Variants in NRXN3 observed in about 807,000 individuals in gnomAD.
The protein encoded by NRXN3 is neurexin 3.
Under a neutral mutation model 137.6 loss-of-function variants are expected in NRXN3, and 32 were observed. The ratio of observed to expected loss-of-function variants is 0.23; its 90% CI spans 0.18 to 0.31. NRXN3 has a LOEUF of 0.31. Among genes scored for constraint, NRXN3 ranks in the 10% least tolerant of loss-of-function variants. NRXN3 has a pLI of 1.00. For missense variants in NRXN3, 1,574 were observed against 2,062.5 expected (o/e 0.76, Z 4.59); for synonymous variants, 798 against 784.5 (o/e 1.02, Z -0.29).
chr14:78,309,288 T>C (rs143220095), intron 4 of NRXN3, among the ~76,000 whole-genome samples: 1 of 145,424 alleles, frequency 6.9e-6, no homozygotes, highest in African/African-American at 2.5e-5. Flanking sequence ...GAAACGCTAA[T>C]AATGTTTTTT....
At chr14:78,708,090 G>C (rs1005086797) in intron 6 of NRXN3, among the ~76,000 whole-genome samples, 1 of 152,146 alleles carries the variant, frequency 6.6e-6, no homozygotes, top group Non-Finnish European at 1.5e-5. Context: ...TGGATCAAAT[G>C]GTAGTTCTAC....
chr14:79,737,340 A>G (rs962072659), intron 19 of NRXN3, among the ~76,000 whole-genome samples: 1 of 152,188 alleles, frequency 6.6e-6, no homozygotes, highest in Non-Finnish European at 1.5e-5. Context: ...TCTTAATTTT[A>G]TTGGGAGTTA....
chr14:78,692,305 C>A (rs1321644914), intron 6 of NRXN3, among the ~76,000 whole-genome samples: 2 of 152,064 alleles, frequency 1.3e-5, no homozygotes, highest in African/African-American at 4.8e-5. Context: ...ACATCTATTC[C>A]CAGGGTCCCT....
rs560843017 is a variant in NRXN3 at position 79,375,412 on chromosome 14, A to T, written c.3263-91809A>T. Among the ~76,000 whole-genome samples the T allele has an allele frequency of 2.6e-5, 4 of 151,948 alleles. No homozygotes were observed. In the South Asian group the frequency reaches 8.3e-4, roughly 32 times the overall value. ...AGAGAAAATAAGGAATGGATCGTAC[A>T]TGCTCATGCACTGTCTGGGGCACTC... On this transcript the variant is annotated intron_variant, in intron 15 of 20. Coordinates refer to ENST00000335750, the MANE Select transcript of NRXN3 (RefSeq NM_001330195.2).
chr14:78,927,477 G>A (rs2099309053), intron 10 of NRXN3, among the ~76,000 whole-genome samples: 1 of 152,166 alleles, frequency 6.6e-6, no homozygotes, highest in South Asian at 2.1e-4. Flanking sequence ...GGATGACAGG[G>A]AAGAAAGTGA....
In NRXN3 at chr14:79,311,525, G is replaced by A. The variant is rs1229279958; in HGVS notation, c.3263-155696G>A. The stretch of plus-strand genomic sequence containing the variant: ...GAAGGAATGGTACCAGTTCCTCCTT[G>A]TACCTCTGGTAGAATTCGGCTGTGA... On this transcript the variant is annotated intron_variant, in intron 15 of 20. Transcript: ENST00000335750. Among the ~76,000 whole-genome samples, 6 of 89,498 alleles carry A rather than the reference G, an allele frequency of 6.7e-5. 1 individual carries two copies. The highest frequency in any genetic ancestry group is 2.2e-5 in the Non-Finnish European group (1 of 46,326). The allele number at this position is 89,498 out of a possible 152,430, so 58.7% of individuals were successfully genotyped here.
chr14:79,559,253 G>C (rs1043864641), intron 16 of NRXN3, among the ~76,000 whole-genome samples: 1 of 152,096 alleles, frequency 6.6e-6, no homozygotes, highest in South Asian at 2.1e-4. Context: ...TTAGCTTTTA[G>C]TCTATCCTGG....
intron 15 of NRXN3, among the ~76,000 whole-genome samples, chr14:79,276,735 A>G (rs1434336438): frequency 6.6e-6 from 1 of 151,738 alleles, no homozygotes; most frequent in Non-Finnish European, 1.5e-5. Context: ...AAAGAAAAAC[A>G]GTAAGTGGGT....
intron 19 of NRXN3, among the ~76,000 whole-genome samples, chr14:79,706,173 C>G (rs2098777994): frequency 6.6e-6 from 1 of 152,150 alleles, no homozygotes; most frequent in South Asian, 2.1e-4. Flanking sequence ...ATCTCCTTGT[C>G]TCTGGTATGT....
At chr14:79,819,385 A>G (rs1308449231) in intron 20 of NRXN3, among the ~76,000 whole-genome samples, 1 of 150,860 alleles carries the variant, frequency 6.6e-6, no homozygotes, top group Non-Finnish European at 1.5e-5. Flanking sequence ...TTTTTAATAG[A>G]TAAGACCTTC....
At chr14:78,983,854 T>TAAAAAAAAAAA (rs965751583) in intron 14 of NRXN3, among the ~76,000 whole-genome samples, 8 of 105,904 alleles carry the variant, frequency 7.6e-5, no homozygotes, top group African/African-American at 2.3e-4. Context: ...AGATTCCATT[T>TAAAAAAAAAAA]AAAAAAAAAA....
At chr14:79,652,249 G>A (rs1478980917) in intron 16 of NRXN3, among the ~76,000 whole-genome samples, 1 of 152,156 alleles carries the variant, frequency 6.6e-6, no homozygotes. Flanking sequence ...ATGTTCCTCA[G>A]CCTCTTGAAT....
At chr14:78,635,891 A>AT (rs1300127953) in intron 4 of NRXN3, among the ~76,000 whole-genome samples, 1 of 152,146 alleles carries the variant, frequency 6.6e-6, no homozygotes, top group African/African-American at 2.4e-5. Context: ...CAGGAAATGT[A>AT]TTTTTAGGAA....
Position 79,868,082 on chromosome 14 carries a change from T to A in NRXN3, c.*6118T>A, listed in dbSNP as rs1307597722. 6.6e-6 allele frequency: 1 copy of A among 152,172 alleles called. No homozygotes were observed. The highest frequency in any genetic ancestry group is 1.5e-5 in the Non-Finnish European group (1 of 68,036). The allele number at this position is 152,172 out of a possible 1,614,324, so 9.4% of individuals were successfully genotyped here. A position where few individuals can be genotyped will look rare whatever the true frequency, so the allele number is the denominator to read the frequency against. On this transcript the variant is annotated 3_prime_UTR_variant, in exon 21 of 21. Coordinates refer to ENST00000335750, the MANE Select transcript of NRXN3 (RefSeq NM_001330195.2). ...TTTCATACCTATAATTTTGTTATAC[T>A]TATCTTGCAGGTTTCTTGAGAAATA... is the stretch of plus-strand genomic sequence containing the variant.
chr14:79,740,088 G>A (rs1301980037), intron 19 of NRXN3, among the ~76,000 whole-genome samples: 1 of 152,078 alleles, frequency 6.6e-6, no homozygotes, highest in Non-Finnish European at 1.5e-5. Flanking sequence ...TTCCTTGTTT[G>A]AGTTAGTGTA....
intron 10 of NRXN3, among the ~76,000 whole-genome samples, chr14:78,915,464 A>T (rs1009840415): frequency 1.3e-5 from 2 of 151,762 alleles, no homozygotes; most frequent in African/African-American, 2.4e-5. Context: ...TCTGTTTAGT[A>T]CCATTTATTC....
At chr14:79,763,876 A>T (rs980408626) in intron 19 of NRXN3, among the ~76,000 whole-genome samples, 2 of 151,604 alleles carry the variant, frequency 1.3e-5, no homozygotes, top group Non-Finnish European at 2.9e-5. Context: ...GGGCACACAC[A>T]TTCAGATCAT....
At chr14:79,413,037 A>G (rs1377700805) in intron 15 of NRXN3, among the ~76,000 whole-genome samples, 2 of 152,176 alleles carry the variant, frequency 1.3e-5, no homozygotes, top group African/African-American at 4.8e-5. Context: ...CTTGCCCTTC[A>G]TATAATGTCC....
intron 4 of NRXN3, among the ~76,000 whole-genome samples, chr14:78,476,584 C>T (rs1403729507): frequency 6.6e-6 from 1 of 152,040 alleles, no homozygotes; most frequent in Non-Finnish European, 1.5e-5. Flanking sequence ...AAATATAAAT[C>T]CTACAAAACT....
Sources: gnomAD v4.1 joint callset for allele counts (sites outside exome capture counted in the v4.1 genomes callset) on GRCh38, gnomAD v4.1.1 for gene constraint, MANE v1.5 for transcripts, NCBI Gene and HGNC (gene_info 2026-07-23, HGNC 2026-07-21) for gene names.